Variants in REELD1 observed in about 807,000 individuals in gnomAD.
REELD1 encodes reeler domain containing 1.
In REELD1, 12 loss-of-function variants were observed where a neutral mutation model predicts 6.3. That is an observed-to-expected ratio of 1.89 (90% CI 1.21 to 3.07). The LOEUF (loss-of-function observed/expected upper bound fraction) is 3.07. Among genes scored for constraint, REELD1 ranks in the 30% most tolerant of loss-of-function variants. REELD1 has a pLI of 0.00. For synonymous variants in REELD1, 57 were observed against 33.6 expected, an observed-to-expected ratio of 1.70 and a Z score of -2.42; for missense variants, 163 against 86.8, an observed-to-expected ratio of 1.88 and a Z score of -3.49.
chr4:146,217,745 C>T (rs1190819674), intron 3 of REELD1, among the ~76,000 whole-genome samples: 1 of 152,036 alleles, frequency 6.6e-6, no homozygotes, highest in Non-Finnish European at 1.5e-5. Flanking sequence ...TCTGAACAAC[C>T]TTCATGTATC....
rs1178291467 is a variant in REELD1 at position 146,229,069 on chromosome 4, C to A, written c.953C>A (p.Ser318Tyr). Residue 318 changes from serine to tyrosine, a missense_variant, in exon 7 of 8, where the codon TCC becomes TAC. By Grantham distance (144) the Ser-to-Tyr change is moderately radical (BLOSUM62 -2). Coordinates refer to ENST00000623665, the MANE Select transcript of REELD1 (RefSeq NM_001354631.1). ...PSFDSLETCLSSDGGEQDKTK... is the reference protein window; with the variant it reads ...PSFDSLETCLYSDGGEQDKTK... ...TTTGATTCACTGGAAACTTGCCTGTCCTCAGATGGGGGTGAACAGGTAAGA... is the reference window on the plus strand; with the variant it reads ...TTTGATTCACTGGAAACTTGCCTGTACTCAGATGGGGGTGAACAGGTAAGA... The A allele has an allele frequency of 7.1e-6, 5 of 702,246 alleles. No homozygotes were observed. Among genetic ancestry groups the A allele is most frequent in the Non-Finnish European group, 1.3e-5 (5 of 384,928 alleles). The allele number at this position is 702,246 out of a possible 1,614,324, so 43.5% of individuals were successfully genotyped here.
At position 146,230,362 on chromosome 4, in the gene REELD1, C is replaced by T. The variant is rs149248912; in HGVS notation, c.1430C>T (p.Ser477Phe). The T allele has an allele frequency of 2.5e-6, 1 of 398,798 alleles. No homozygotes were observed. Among genetic ancestry groups the T allele is most frequent in the African/African-American group, 2.1e-5 (1 of 48,778 alleles). 24.7% of individuals were successfully genotyped at this position (398,798 alleles called of 1,614,324 possible). The change falls in exon 8 of 8, where the codon TCT (serine) becomes TTT (phenylalanine). Residue 477 changes from serine to phenylalanine, a missense_variant. By Grantham distance (155) the Ser-to-Phe change is radical (BLOSUM62 -2). Transcript: ENST00000623665. The part of the protein sequence containing the change: ...TQYCHQQTEV[S>F]FSEPASDAVA... ...TATTGCCACCAGCAGACAGAAGTGT[C>T]TTTCAGTGAGCCCGCTTCGGATGCT...
At chr4:146,219,997 G>A (rs60241278) in intron 3 of REELD1, among the ~76,000 whole-genome samples, 32,806 of 152,108 alleles carry the variant, frequency 0.22, 4,357 homozygotes, top group Middle Eastern at 0.38. Context: ...AGGTTGGAGC[G>A]CAGTGGCGCA....
intron 3 of REELD1, among the ~76,000 whole-genome samples, chr4:146,222,025 G>T (rs1045906402): frequency 6.6e-6 from 1 of 151,616 alleles, no homozygotes; most frequent in Non-Finnish European, 1.5e-5. Context: ...TCTGTCCAGG[G>T]TTCACCTAAA....
At position 146,224,533 on chromosome 4, in the gene REELD1, G is replaced by C; in HGVS notation, c.520G>C (p.Asp174His). The change falls in exon 5 of 8, where the codon GAC becomes CAC. Residue 174 changes from aspartate to histidine, a missense_variant. By Grantham distance (81) the Asp-to-His change is moderately conservative. Coordinates refer to ENST00000623665, the MANE Select transcript of REELD1 (RefSeq NM_001354631.1). ...SQQTHSSAHS[D>H]DRMEPRLLMP... is the part of the protein sequence containing the mutation. ...ACAGACACATAGCAGCGCCCATTCT[G>C]ACGACCGCATGGAGCCCAGATTGCT... The C allele has an allele frequency of 2.8e-6, 2 of 702,008 alleles. No homozygotes were observed. Among genetic ancestry groups the C allele is most frequent in the Admixed American group, 2.0e-5 (1 of 50,000 alleles). The allele number at this position is 702,008 out of a possible 1,614,324, so 43.5% of individuals were successfully genotyped here. A position where few individuals can be genotyped will look rare whatever the true frequency, so the allele number is the denominator to read the frequency against.
intron 3 of REELD1, among the ~76,000 whole-genome samples, chr4:146,218,781 C>T (rs1438266355): frequency 6.6e-6 from 1 of 152,162 alleles, no homozygotes; most frequent in Non-Finnish European, 1.5e-5. Flanking sequence ...CATCCAGCCC[C>T]TCCCAGCATG....
intron 4 of REELD1, among the ~76,000 whole-genome samples, chr4:146,222,962 C>T (rs1730950136): frequency 6.6e-6 from 1 of 152,092 alleles, no homozygotes; most frequent in African/African-American, 2.4e-5. Flanking sequence ...TCCCTGGGCC[C>T]AGGAAAAGCT....
At chr4:146,229,825 C>A (rs559413354) in intron 7 of REELD1, 80 bp from the exon 8 acceptor site, 98 of 395,684 alleles carry the variant, frequency 2.5e-4, no homozygotes, top group Non-Finnish European at 3.8e-4. Flanking sequence ...CTTTAAGGAA[C>A]CCCAGTTAGT....
At chr4:146,216,476 T>C (rs1436563629) in intron 2 of REELD1, among the ~76,000 whole-genome samples, 2 of 152,210 alleles carry the variant, frequency 1.3e-5, no homozygotes, top group African/African-American at 2.4e-5. Flanking sequence ...TAATTTTCAA[T>C]TGCAACAGAG....
intron 5 of REELD1, among the ~76,000 whole-genome samples, chr4:146,227,223 G>C (rs544676281): frequency 1.3e-5 from 2 of 152,298 alleles, no homozygotes; most frequent in Admixed American, 1.3e-4. Flanking sequence ...AATGCTCTTA[G>C]AGTTCAGGCA....
chr4:146,224,600 C>T lies in REELD1; in HGVS notation c.587C>T (p.Ala196Val). Residue 196 changes from alanine to valine, a missense_variant, in exon 5 of 8, where the codon GCT becomes GTT. Ala to Val is a moderately conservative substitution (Grantham distance 64). Transcript: ENST00000623665. ...CAGAGGCTGGGCGATGTTGAAGGAG[C>T]TGCTCCAGGTACAGCTTGTCATTGT... ...LHQRLGDVEG[A>V]APAPRTPITL... is the part of the protein sequence containing the mutation. The T allele has an allele frequency of 1.4e-6, 1 of 702,118 alleles. No individual in the cohort carries two copies. Among genetic ancestry groups the T allele is most frequent in the East Asian group, 2.7e-5 (1 of 37,282 alleles). The allele number at this position is 702,118 out of a possible 1,614,324, so 43.5% of individuals were successfully genotyped here.
At chr4:146,229,812 A>T (rs1016146483) in intron 7 of REELD1, 93 bp from the exon 8 acceptor site, 2 of 397,426 alleles carry the variant, frequency 5.0e-6, no homozygotes, top group Non-Finnish European at 8.9e-6. Flanking sequence ...GCCTCCTGGG[A>T]GTCTTTAAGG....
intron 6 of REELD1, 133 bp from the exon 7 acceptor site, chr4:146,228,892 G>A (rs1350408641): frequency 3.2e-6 from 2 of 634,864 alleles, no homozygotes; most frequent in African/African-American, 1.8e-5. Context: ...TCTTCTCTAT[G>A]GTTCCTGACT....
chr4:146,228,332 C>G lies in REELD1; in HGVS notation c.718C>G (p.Pro240Ala). 1 of 702,552 alleles carries G rather than the reference C, an allele frequency of 1.4e-6. No homozygotes were observed. Among genetic ancestry groups the G allele is most frequent in the Non-Finnish European group, 2.6e-6 (1 of 384,996 alleles). 43.5% of individuals were successfully genotyped at this position (702,552 alleles called of 1,614,324 possible). A position where few individuals can be genotyped will look rare whatever the true frequency, so the allele number is the denominator to read the frequency against. The stretch of plus-strand genomic sequence containing the variant: ...TGCCAGTATTTGGGTGACAAAGTTT[C>G]CTGGGGATGCAGAGACTCTGTCCCA... ...VPASIWVTKF[P>A]GDAETLSQPS... is the part of the protein sequence containing the mutation. Residue 240 changes from proline (P) to alanine (A), a missense_variant, in exon 6 of 8, where the codon CCT (proline) becomes GCT (alanine). Pro to Ala is a conservative substitution (Grantham distance 27). Coordinates refer to ENST00000623665, the MANE Select transcript of REELD1 (RefSeq NM_001354631.1).
chr4:146,218,843 C>T (rs180798413), intron 3 of REELD1, among the ~76,000 whole-genome samples: 4 of 152,196 alleles, frequency 2.6e-5, no homozygotes, highest in East Asian at 3.9e-4. Context: ...GGAATAACAA[C>T]GGTAAGAATC....
intron 4 of REELD1, 31 bp downstream of exon 4, chr4:146,222,610 C>T (rs1048927130): frequency 2.0e-5 from 8 of 398,468 alleles, no homozygotes; most frequent in African/African-American, 1.6e-4. Context: ...TTCTTAGAAA[C>T]TGAGCCTTCT....
At chr4:146,222,817 C>A (rs1039038660) in intron 4 of REELD1, among the ~76,000 whole-genome samples, 10 of 152,170 alleles carry the variant, frequency 6.6e-5, no homozygotes, top group African/African-American at 2.4e-4. Flanking sequence ...GTGTTATCTC[C>A]CTGCCTCCCC....
chr4:146,220,017 C>T (rs1038277189), intron 3 of REELD1, among the ~76,000 whole-genome samples: 1 of 152,212 alleles, frequency 6.6e-6, no homozygotes, highest in African/African-American at 2.4e-5. Flanking sequence ...AATCTTGGCT[C>T]ACTGTAAGAT....
chr4:146,225,492 A>G (rs1161785028), intron 5 of REELD1, among the ~76,000 whole-genome samples: 1 of 152,130 alleles, frequency 6.6e-6, no homozygotes, highest in Non-Finnish European at 1.5e-5. Flanking sequence ...ACCACCCTCC[A>G]TTCTCTGCCT....
Sources: allele counts gnomAD v4.1 joint callset (sites outside exome capture counted in the v4.1 genomes callset), GRCh38; gene constraint gnomAD v4.1.1; transcripts MANE v1.5; gene names NCBI Gene and HGNC (gene_info 2026-07-23, HGNC 2026-07-21).